Variants in TBC1D5 observed in about 807,000 individuals in gnomAD.
TBC1D5 encodes TBC1 domain family, member 5.
TBC1D5 carries 75 observed loss-of-function variants against 100.3 expected under a neutral mutation model. That is an observed-to-expected ratio of 0.75 (90% CI 0.62 to 0.91). TBC1D5 has a LOEUF of 0.91. Among genes scored for constraint, TBC1D5 ranks in the 40% least tolerant of loss-of-function variants. The pLI, the probability that TBC1D5 is intolerant of heterozygous loss-of-function variation, is 0.00. For synonymous variants in TBC1D5, 323 were observed against 325.6 expected (o/e 0.99, Z 0.09); for missense variants, 910 against 942.4 (o/e 0.97, Z 0.45).
At chr3:17,413,614 A>C (rs138697416) in intron 4 of TBC1D5, among the ~76,000 whole-genome samples, 192 of 152,292 alleles carry the variant, frequency 1.3e-3, no homozygotes, top group Non-Finnish European at 2.3e-3. Context: ...AATATCTTCT[A>C]AATTTAATAG....
rs572429035 is a variant in TBC1D5, at chr3:17,259,830, T to C, written c.1246-1239A>G. 5.3e-5 allele frequency among the ~76,000 whole-genome samples: 8 copies of C among 152,310 alleles called. No individual in the cohort carries two copies. In the East Asian group the frequency reaches 1.5e-3, roughly 29 times the overall value. Reference sequence around the variant, plus strand: ...TTCTTTTTCTGCTGAAAGGAGAATATTTATACAGCTCAACCCTTTCATATC... The same window carrying C: ...TTCTTTTTCTGCTGAAAGGAGAATACTTATACAGCTCAACCCTTTCATATC... On this transcript the variant is annotated intron_variant, in intron 15 of 21. Coordinates refer to ENST00000253692, the Ensembl canonical transcript of TBC1D5.
At chr3:17,302,574 G>T (rs1343164567) in intron 14 of TBC1D5, among the ~76,000 whole-genome samples, 1 of 152,036 alleles carries the variant, frequency 6.6e-6, no homozygotes, top group African/African-American at 2.4e-5. Context: ...TATTTTTGGG[G>T]GATGTGTTCC....
chr3:17,422,346 G>GTTTTTTT (rs200102244), intron 4 of TBC1D5, among the ~76,000 whole-genome samples: 24 of 147,166 alleles, frequency 1.6e-4, no homozygotes, highest in African/African-American at 3.8e-4. Flanking sequence ...TTTGTTTTTT[G>GTTTTTTT]TTTTTTTGTT....
intron 2 of TBC1D5, among the ~76,000 whole-genome samples, chr3:17,530,114 C>A (rs972881451): frequency 6.6e-6 from 1 of 151,908 alleles, no homozygotes; most frequent in Admixed American, 6.6e-5. Context: ...CATGGTGGCA[C>A]ATGCCTGTAG....
chr3:17,475,241 A>G (rs774772789), intron 3 of TBC1D5, among the ~76,000 whole-genome samples: 41 of 151,582 alleles, frequency 2.7e-4, no homozygotes, highest in Admixed American at 4.6e-4. Flanking sequence ...TCCCCAACCT[A>G]TATCTTAAGA....
exon 15 of TBC1D5, chr3:17,291,913 C>T (rs374517651): frequency 5.6e-6 from 9 of 1,613,724 alleles, no homozygotes; most frequent in Non-Finnish European, 6.8e-6. Context: ...CTCTAAGGAA[C>T]AGAGCCTTAA....
chr3:17,646,835 C>T (rs2065063697), intron 1 of TBC1D5: 1 of 152,044 alleles, frequency 6.6e-6, no homozygotes, highest in Non-Finnish European at 1.5e-5. Flanking sequence ...TTCTAGTGCA[C>T]CCATCACCCA....
chr3:17,540,004 A>G (rs567385231), intron 2 of TBC1D5, among the ~76,000 whole-genome samples: 221 of 152,308 alleles, frequency 1.5e-3, no homozygotes, highest in Non-Finnish European at 1.8e-3. Context: ...TCACCAAAAC[A>G]TATTATTGTT....
At chr3:17,691,356 C>T (rs2071124736) in intron 1 of TBC1D5, among the ~76,000 whole-genome samples, 1 of 152,194 alleles carries the variant, frequency 6.6e-6, no homozygotes, top group African/African-American at 2.4e-5. Flanking sequence ...TATCAATTCT[C>T]CTGCAACTGT....
intron 18 of TBC1D5, among the ~76,000 whole-genome samples, chr3:17,198,647 G>C (rs995752437): frequency 6.6e-6 from 1 of 152,116 alleles, no homozygotes; most frequent in Non-Finnish European, 1.5e-5. Context: ...AATGGATATG[G>C]TGTCTAGAAC....
intron 1 of TBC1D5, among the ~76,000 whole-genome samples, chr3:17,738,870 A>T (rs1265540876): frequency 6.6e-6 from 1 of 152,230 alleles, no homozygotes; most frequent in African/African-American, 2.4e-5. Context: ...GTTTAATGTT[A>T]CTAAATCATT....
At chr3:17,163,014 G>A (rs1559328504) in intron 21 of TBC1D5, among the ~76,000 whole-genome samples, 5 of 152,240 alleles carry the variant, frequency 3.3e-5, no homozygotes, top group Admixed American at 3.3e-4. Context: ...CTAGTTTTTA[G>A]AGTGGTGCCT....
At chr3:17,739,452 G>A (rs1200798753) in exon 1 of TBC1D5, 1 of 152,160 alleles carries the variant, frequency 6.6e-6, no homozygotes, top group African/African-American at 2.4e-5. Flanking sequence ...CAGAAACCCA[G>A]TCAATCCCTA....
rs370939553 is a variant in TBC1D5, at chr3:17,514,940, A to C, written c.-35-6335T>G. ...TCAATTCTTGCTGTTCCTCTTTTAT[A>C]TATTTATATATTATTTATATATCCT... is the stretch of plus-strand genomic sequence containing the variant. On this transcript the variant is annotated intron_variant, in intron 2 of 21. Transcript: ENST00000253692. Among the ~76,000 whole-genome samples, 6 of 151,074 alleles carry C rather than the reference A, an allele frequency of 4.0e-5. No homozygotes were observed. In the South Asian group the frequency reaches 1.2e-3, roughly 31 times the overall value.
chr3:17,247,529 G>C (rs1392768362), intron 16 of TBC1D5, among the ~76,000 whole-genome samples: 1 of 152,184 alleles, frequency 6.6e-6, no homozygotes, highest in Non-Finnish European at 1.5e-5. Flanking sequence ...GGAGGGTCTT[G>C]TCTCAATGTT....
chr3:17,339,232 T>C (rs1278762007), intron 13 of TBC1D5, among the ~76,000 whole-genome samples: 1 of 152,230 alleles, frequency 6.6e-6, no homozygotes, highest in African/African-American at 2.4e-5. Flanking sequence ...GAAGATATTG[T>C]TGTGGCAATT....
At chr3:17,336,803 G>T (rs2087898220) in intron 13 of TBC1D5, among the ~76,000 whole-genome samples, 1 of 152,020 alleles carries the variant, frequency 6.6e-6, no homozygotes, top group Non-Finnish European at 1.5e-5. Context: ...GATATTAGGT[G>T]AATAAATAGT....
At chr3:17,158,574 T>A (rs936840460) in exon 22 of TBC1D5, 1 of 152,222 alleles carries the variant, frequency 6.6e-6, no homozygotes, top group Admixed American at 6.5e-5. Context: ...CCACTGTCCT[T>A]GTATGTCTCT....
At chr3:17,562,293 AAC>A (rs1483876051) in intron 2 of TBC1D5, among the ~76,000 whole-genome samples, 1 of 152,130 alleles carries the variant, frequency 6.6e-6, no homozygotes, top group African/African-American at 2.4e-5. Flanking sequence ...GACATTTAAA[AAC>A]AGACACCTAA....
Sources: allele counts gnomAD v4.1 joint callset (sites outside exome capture counted in the v4.1 genomes callset), GRCh38; gene constraint gnomAD v4.1.1; transcripts MANE v1.5; gene names NCBI Gene and HGNC (gene_info 2026-07-23, HGNC 2026-07-21).